ANKH: variants seen among roughly 807,000 people sequenced by gnomAD.
The protein encoded by ANKH is mineralization regulator ANKH.
ANKH carries 15 observed loss-of-function variants against 49.0 expected under a neutral mutation model. The observed-to-expected ratio is 0.31, with a 90% CI of 0.20 to 0.47. The LOEUF is 0.47. ANKH is among the 20% of genes least tolerant of loss of function. ANKH has a pLI of 1.00. For synonymous variants in ANKH, 273 were observed against 260.0 expected, an observed-to-expected ratio of 1.05 and a Z score of -0.48; for missense variants, 429 against 652.0, an observed-to-expected ratio of 0.66 and a Z score of 3.72.
At chr5:14,868,709 T>A (rs1482654517) in intron 1 of ANKH, 1 of 123,326 alleles carries the variant, frequency 8.1e-6, no homozygotes, top group Non-Finnish European at 1.6e-5. Context: ...GCACCTGGCC[T>A]TTTTTTTTTT....
chr5:14,859,731 G>GGT (rs777268659), intron 1 of ANKH, among the ~76,000 whole-genome samples: 2 of 152,174 alleles, frequency 1.3e-5, no homozygotes, highest in Non-Finnish European at 2.9e-5. Flanking sequence ...ATATCCTCAT[G>GGT]GTGTGGATTA....
intron 1 of ANKH, among the ~76,000 whole-genome samples, chr5:14,827,128 G>C (rs1041650531): frequency 6.6e-6 from 1 of 152,206 alleles, no homozygotes; most frequent in African/African-American, 2.4e-5. Context: ...ACCACTGTGC[G>C]CTCTGGCAGT....
At chr5:14,866,599 A>G (rs1198614181) in intron 1 of ANKH, among the ~76,000 whole-genome samples, 3 of 152,204 alleles carry the variant, frequency 2.0e-5, no homozygotes, top group African/African-American at 4.8e-5. Flanking sequence ...TAAAAGAAAT[A>G]TATTTTTTAA....
chr5:14,847,500 G>A (rs1389694801), intron 1 of ANKH, among the ~76,000 whole-genome samples: 3 of 152,200 alleles, frequency 2.0e-5, no homozygotes, highest in Non-Finnish European at 4.4e-5. Flanking sequence ...TGTCGCCGTC[G>A]AGAAGGAGGG....
Position 14,714,171 on chromosome 5 carries a change from C to A in ANKH, c.1142-504G>T, listed in dbSNP as rs115775217. On this transcript the variant is annotated intron_variant, in intron 9 of 11. Transcript: ENST00000284268. ...CGTCCCCACTTCCCTCTGTTCTTTC[C>A]CTGGACTGGTCCTGACCACTTCCAC... Among the ~76,000 whole-genome samples, 225 of 152,360 alleles carry A rather than the reference C, an allele frequency of 1.5e-3. 1 individual carries two copies. The highest frequency in any genetic ancestry group is 5.1e-3 in the African/African-American group (212 of 41,588).
In ANKH at chr5:14,709,883, A is replaced by G. The variant is rs1002181297; in HGVS notation, c.*1314T>C. ...TGTATTATAGCCTAAAATAAATTAC[A>G]TAACATATACAGCATATATTTATAT... is the stretch of plus-strand genomic sequence containing the variant. On this transcript the variant is annotated 3_prime_UTR_variant, in exon 12 of 12. Coordinates refer to ENST00000284268, the MANE Select transcript of ANKH (RefSeq NM_054027.6). 2.6e-5 allele frequency: 4 copies of G among 152,680 alleles called. No homozygotes were observed. The highest frequency in any genetic ancestry group is 1.5e-5 in the Non-Finnish European group (1 of 68,050). 9.5% of individuals were successfully genotyped at this position (152,680 alleles called of 1,614,324 possible).
intron 8 of ANKH, among the ~76,000 whole-genome samples, chr5:14,730,967 G>A (rs1038269137): frequency 6.6e-6 from 1 of 152,228 alleles, no homozygotes; most frequent in African/African-American, 2.4e-5. Context: ...GGGAGAGGTT[G>A]ATAAGGAAGC....
At chr5:14,862,118 C>A (rs768838332) in intron 1 of ANKH, among the ~76,000 whole-genome samples, 1 of 152,168 alleles carries the variant, frequency 6.6e-6, no homozygotes, top group Non-Finnish European at 1.5e-5. Flanking sequence ...TGCCTCTAAT[C>A]CCAGCTACTC....
At chr5:14,716,432 C>T (rs1737462305) in intron 9 of ANKH, among the ~76,000 whole-genome samples, 2 of 152,096 alleles carry the variant, frequency 1.3e-5, no homozygotes, top group Admixed American at 6.5e-5. Flanking sequence ...GCAGAGGTTG[C>T]AGTGAGCCGA....
intron 6 of ANKH, among the ~76,000 whole-genome samples, chr5:14,747,413 C>T (rs1249843860): frequency 6.6e-6 from 1 of 151,954 alleles, no homozygotes; most frequent in Non-Finnish European, 1.5e-5. Flanking sequence ...GACACCGTCT[C>T]TACAAAAGAA....
chr5:14,712,125 C>G (rs1297260052), intron 11 of ANKH, among the ~76,000 whole-genome samples: 2 of 152,214 alleles, frequency 1.3e-5, no homozygotes, highest in Admixed American at 6.5e-5. Context: ...TGCTGAGGTT[C>G]AGATCTCTAC....
rs1561011814 is a variant in ANKH, at chr5:14,706,654, C to G, written c.*4543G>C. 6.6e-6 allele frequency: 1 copy of G among 152,104 alleles called. No individual in the cohort carries two copies. The highest frequency in any genetic ancestry group is 2.1e-4 in the South Asian group (1 of 4,822). The allele number at this position is 152,104 out of a possible 1,614,324, so 9.4% of individuals were successfully genotyped here. ...ATTTGCATGATTTTAGACATTTTGC[C>G]TTTAAAAGGGCAGGCAACAGGCCCT... On this transcript the variant is annotated 3_prime_UTR_variant, in exon 12 of 12. Transcript: ENST00000284268.
intron 1 of ANKH, among the ~76,000 whole-genome samples, chr5:14,865,990 A>G (rs1735632472): frequency 6.6e-6 from 1 of 152,226 alleles, no homozygotes; most frequent in Non-Finnish European, 1.5e-5. Context: ...TTATCATATT[A>G]GACCCAACCA....
intron 1 of ANKH, among the ~76,000 whole-genome samples, chr5:14,824,779 T>C (rs1188822036): frequency 3.3e-5 from 5 of 152,156 alleles, no homozygotes; most frequent in Non-Finnish European, 7.4e-5. Flanking sequence ...CCCTGACTTC[T>C]GCTTGGCCTG....
chr5:14,813,058 T>C (rs917137445), intron 1 of ANKH, among the ~76,000 whole-genome samples: 1 of 151,978 alleles, frequency 6.6e-6, no homozygotes, highest in Admixed American at 6.6e-5. Context: ...CTGGGCAACA[T>C]AGTGAAACCC....
chr5:14,798,485 G>A (rs1026262195), intron 1 of ANKH: 11 of 983,856 alleles, frequency 1.1e-5, no homozygotes, highest in African/African-American at 4.3e-5. Context: ...TGCGCACGCG[G>A]TCTCTATTTT....
chr5:14,798,414 GC>G, intron 1 of ANKH: 4 of 1,552,536 alleles, frequency 2.6e-6, no homozygotes, highest in Non-Finnish European at 3.5e-6. Context: ...GGGCAGGCGA[GC>G]CGGGGGAATC....
chr5:14,714,366 T>G (rs1182309053), intron 9 of ANKH, among the ~76,000 whole-genome samples: 2 of 152,182 alleles, frequency 1.3e-5, no homozygotes, highest in Non-Finnish European at 1.5e-5. Flanking sequence ...GGCTTGCCCT[T>G]GTCAGTAGGA....
chr5:14,827,655 T>C (rs923009202), intron 1 of ANKH, among the ~76,000 whole-genome samples: 2 of 152,196 alleles, frequency 1.3e-5, no homozygotes, highest in Non-Finnish European at 2.9e-5. Flanking sequence ...TTTGGCTTCC[T>C]AGTGCTTCCA....
Sources: allele counts gnomAD v4.1 joint callset (sites outside exome capture counted in the v4.1 genomes callset), GRCh38; gene constraint gnomAD v4.1.1; transcripts MANE v1.5; gene names NCBI Gene and HGNC (gene_info 2026-07-23, HGNC 2026-07-21).